Variants in PRKAR2A observed in about 807,000 individuals in gnomAD.
PRKAR2A encodes the protein protein kinase cAMP-dependent type II regulatory subunit alpha, also known as cAMP-dependent protein kinase type II-alpha regulatory subunit.
In PRKAR2A, 29 loss-of-function variants were observed where a neutral mutation model predicts 51.9. The observed-to-expected ratio is 0.56, with a 90% CI of 0.42 to 0.76. PRKAR2A has a LOEUF of 0.76. PRKAR2A is among the 30% of genes least tolerant of loss of function. The pLI is 0.00. For synonymous variants in PRKAR2A, 178 were observed against 186.2 expected (o/e 0.96, Z 0.36); for missense variants, 445 against 512.1 (o/e 0.87, Z 1.26).
At chr3:48,779,987 C>T (rs974522367) in intron 5 of PRKAR2A, among the ~76,000 whole-genome samples, 4 of 150,932 alleles carry the variant, frequency 2.7e-5, no homozygotes, top group African/African-American at 9.7e-5. Context: ...TGGTGAAACC[C>T]CATCTCTACT....
At chr3:48,809,309 G>C (rs1214318551) in intron 1 of PRKAR2A, among the ~76,000 whole-genome samples, 8 of 152,046 alleles carry the variant, frequency 5.3e-5, no homozygotes, top group Admixed American at 3.9e-4. Flanking sequence ...ATACAGTTTA[G>C]GCCAAGTACG....
At chr3:48,809,187 T>C (rs1398695170) in intron 1 of PRKAR2A, among the ~76,000 whole-genome samples, 1 of 152,144 alleles carries the variant, frequency 6.6e-6, no homozygotes, top group Non-Finnish European at 1.5e-5. Context: ...CAAATTAGAT[T>C]GTATAAAGAT....
chr3:48,846,004 T>G (rs2083455270), intron 1 of PRKAR2A, among the ~76,000 whole-genome samples: 1 of 151,778 alleles, frequency 6.6e-6, no homozygotes, highest in Admixed American at 6.6e-5. Flanking sequence ...GGAGGGACAG[T>G]CTCCAACTTG....
At chr3:48,823,786 C>CAAAAAAAAA (rs911139872) in intron 1 of PRKAR2A, among the ~76,000 whole-genome samples, 1 of 63,920 alleles carries the variant, frequency 1.6e-5, no homozygotes, top group African/African-American at 5.8e-5. Flanking sequence ...ACCCCGTCTC[C>CAAAAAAAAA]AAAAAAAAAA....
intron 1 of PRKAR2A, among the ~76,000 whole-genome samples, chr3:48,837,854 T>G (rs1443412305): frequency 2.0e-5 from 3 of 150,488 alleles, no homozygotes. Context: ...GGATGAACCT[T>G]GAGTACATTA....
At chr3:48,828,757 T>G (rs1252706827) in intron 1 of PRKAR2A, among the ~76,000 whole-genome samples, 1 of 151,458 alleles carries the variant, frequency 6.6e-6, no homozygotes, top group Non-Finnish European at 1.5e-5. Context: ...ATTTATATTC[T>G]TATCCTTTAA....
intron 1 of PRKAR2A, among the ~76,000 whole-genome samples, chr3:48,814,910 GTTTGT>G (rs1443260293): frequency 1.3e-5 from 2 of 152,054 alleles, no homozygotes; most frequent in South Asian, 4.2e-4. Context: ...AGTTCTTTTT[GTTTGT>G]TTTGTTTTAT....
chr3:48,745,388 C>A (rs71324918), downstream of PRKAR2A, among the ~76,000 whole-genome samples: 113 of 152,172 alleles, frequency 7.4e-4, no homozygotes, highest in Non-Finnish European at 1.3e-3. Flanking sequence ...TACAGGATAC[C>A]CTTGCACATC....
chr3:48,780,374 C>T (rs1452314659), intron 5 of PRKAR2A, among the ~76,000 whole-genome samples: 6 of 151,626 alleles, frequency 4.0e-5, no homozygotes, highest in African/African-American at 7.3e-5. Flanking sequence ...GAGGCTGAGG[C>T]GGGCAGATCA....
intron 4 of PRKAR2A, among the ~76,000 whole-genome samples, chr3:48,789,305 C>G (rs2082344140): frequency 6.6e-6 from 1 of 152,040 alleles, no homozygotes; most frequent in Non-Finnish European, 1.5e-5. Flanking sequence ...AGTGTTGAAC[C>G]CTACTGATGT....
In PRKAR2A at chr3:48,814,491, A is replaced by G. The variant is rs1040613332; in HGVS notation, c.263-6807T>C. 3.3e-5 allele frequency among the ~76,000 whole-genome samples: 5 copies of G among 152,312 alleles called. No individual in the cohort carries two copies. In the South Asian group the frequency reaches 6.2e-4, roughly 19 times the overall value. On this transcript the variant is annotated intron_variant, in intron 1 of 10. Transcript: ENST00000265563. The stretch of plus-strand genomic sequence containing the variant: ...AGAAGGGTCACTGAGTGGGATATTC[A>G]ACTGACTTTAACAATCCTTTCTATC...
intron 1 of PRKAR2A, among the ~76,000 whole-genome samples, chr3:48,816,790 T>C (rs1483587093): frequency 1.3e-5 from 2 of 152,168 alleles, no homozygotes; most frequent in East Asian, 1.9e-4. Flanking sequence ...AGAGCAAGTT[T>C]ACCCACCCAA....
At chr3:48,816,310 T>G (rs2082873764) in intron 1 of PRKAR2A, among the ~76,000 whole-genome samples, 1 of 152,172 alleles carries the variant, frequency 6.6e-6, no homozygotes, top group South Asian at 2.1e-4. Flanking sequence ...GACCATGAAC[T>G]CTTAGAAGAC....
chr3:48,777,590 A>G (rs1481857108), intron 5 of PRKAR2A, among the ~76,000 whole-genome samples: 1 of 152,104 alleles, frequency 6.6e-6, no homozygotes, highest in Non-Finnish European at 1.5e-5. Context: ...TATTTTTAGT[A>G]GAGACGGGGT....
intron 6 of PRKAR2A, among the ~76,000 whole-genome samples, chr3:48,766,198 C>G (rs1431754710): frequency 6.6e-6 from 1 of 152,020 alleles, no homozygotes; most frequent in Non-Finnish European, 1.5e-5. Context: ...GCCTGGGCAG[C>G]AGAGTGACAC....
intron 8 of PRKAR2A, among the ~76,000 whole-genome samples, chr3:48,757,257 G>A (rs2107207049): frequency 6.6e-6 from 1 of 152,282 alleles, no homozygotes; most frequent in South Asian, 2.1e-4. Context: ...AGCCCTTTTT[G>A]TTTAGATAGG....
intron 1 of PRKAR2A, among the ~76,000 whole-genome samples, chr3:48,814,731 A>G (rs1052779343): frequency 2.0e-5 from 3 of 152,194 alleles, no homozygotes; most frequent in Non-Finnish European, 2.9e-5. Flanking sequence ...GAGTTTATTC[A>G]GCCTTGAAAT....
intron 5 of PRKAR2A, among the ~76,000 whole-genome samples, chr3:48,781,503 G>C (rs974072090): frequency 6.6e-6 from 1 of 151,146 alleles, no homozygotes. Context: ...CACCACGCCC[G>C]GTTACTTTTT....
Position 48,756,437 on chromosome 3 carries a change from T to C in PRKAR2A, c.881A>G (p.Lys294Arg), listed in dbSNP as rs943125403. 9.3e-6 allele frequency: 15 copies of C among 1,613,376 alleles called. No homozygotes were observed. The Admixed American group carries it at 1.5e-4, about 16-fold the overall frequency. Reference sequence around the variant, plus strand: ...CTCTATGATGTAAAAGCTATCAGCCTTTTCACCCTGAAAGAAAAGAGAGGT... The same window carrying C: ...CTCTATGATGTAAAAGCTATCAGCCCTTTCACCCTGAAAGAAAAGAGAGGT... Reference protein sequence around the residue: ...DGERIITQGEKADSFYIIESG... With the variant: ...DGERIITQGERADSFYIIESG... The change falls in exon 9 of 11, where the codon AAG becomes AGG. Residue 294 changes from lysine (K) to arginine (R), a missense_variant. Transcript: ENST00000265563.
Sources: gnomAD v4.1 joint callset for allele counts (sites outside exome capture counted in the v4.1 genomes callset) on GRCh38, gnomAD v4.1.1 for gene constraint, MANE v1.5 for transcripts, NCBI Gene and HGNC (gene_info 2026-07-23, HGNC 2026-07-21) for gene names.